The following TIMP2 variants were observed in gnomAD, a reference collection of about 807,000 sequenced individuals.
TIMP2 encodes metalloproteinase inhibitor 2.
A neutral mutation model predicts 24.3 loss-of-function variants in TIMP2; 5 were observed. The ratio of observed to expected loss-of-function variants is 0.21; its 90% confidence interval spans 0.11 to 0.43. TIMP2 has a LOEUF of 0.43. Among genes scored for constraint, TIMP2 ranks in the 20% least tolerant of loss-of-function variants. The pLI is 1.00. For missense variants in TIMP2, 221 were observed against 297.5 expected (o/e 0.74, Z 1.89); for synonymous variants, 130 against 123.2 (o/e 1.06, Z -0.37).
chr17:78,859,192 G>C (rs533831964), intron 3 of TIMP2, among the ~76,000 whole-genome samples: 1 of 152,316 alleles, frequency 6.6e-6, no homozygotes, highest in South Asian at 2.1e-4. Context: ...CATCAGGCAT[G>C]ATGAGCTGTG....
At chr17:78,890,272 A>T (rs2069868486) in intron 1 of TIMP2, among the ~76,000 whole-genome samples, 1 of 146,990 alleles carries the variant, frequency 6.8e-6, no homozygotes. Flanking sequence ...TGCAATCTCG[A>T]CTCACTGCAA....
At chr17:78,893,362 G>T (rs36142787) in intron 1 of TIMP2, among the ~76,000 whole-genome samples, 30,655 of 124,926 alleles carry the variant, frequency 0.25, 6,973 homozygotes, top group African/African-American at 0.62. Context: ...TGTGTGTGCA[G>T]GGGTGTGTAG....
At chr17:78,923,724 G>T (rs998045700) in intron 1 of TIMP2, among the ~76,000 whole-genome samples, 2 of 152,148 alleles carry the variant, frequency 1.3e-5, no homozygotes, top group African/African-American at 4.8e-5. Context: ...CAGGTGGCCT[G>T]AGCCACCTGA....
rs1164915181 is a variant in TIMP2 at position 78,855,555 on chromosome 17, A to G, written c.*112T>C. 1.3e-5 allele frequency: 16 copies of G among 1,227,504 alleles called. No homozygotes were observed. The East Asian group carries it at 4.0e-4, about 31-fold the overall frequency. 76.0% of individuals were successfully genotyped at this position (1,227,504 alleles called of 1,614,324 possible). On this transcript the variant is annotated 3_prime_UTR_variant, in exon 5 of 5. Coordinates refer to ENST00000262768, the MANE Select transcript of TIMP2 (RefSeq NM_003255.5). This position sits in a 1 kb window ranked among gnomAD's most constrained non-coding sequence, Gnocchi z 6.0. ...AGCAGAATCATATTAATTTGGACCCATGGGATGAGTGTTTTATTCATGCTG... is the reference window on the plus strand; with the variant it reads ...AGCAGAATCATATTAATTTGGACCCGTGGGATGAGTGTTTTATTCATGCTG...
intron 3 of TIMP2, among the ~76,000 whole-genome samples, chr17:78,859,827 A>G (rs928951145): frequency 6.6e-6 from 1 of 151,872 alleles, no homozygotes; most frequent in Non-Finnish European, 1.5e-5. Flanking sequence ...CCCCGTCTCT[A>G]CTACACATAC....
At position 78,883,918 on chromosome 17, in the gene TIMP2, T is replaced by G. The variant is rs28726211; in HGVS notation, c.131-9999A>C. Among the ~76,000 whole-genome samples the G allele has an allele frequency of 1.2e-3, 185 of 152,334 alleles. 1 individual carries two copies. The highest frequency in any genetic ancestry group is 4.2e-3 in the African/African-American group (173 of 41,586). On this transcript the variant is annotated intron_variant, in intron 1 of 4. Coordinates refer to ENST00000262768, the MANE Select transcript of TIMP2 (RefSeq NM_003255.5). ...TTCCCTGGTGGGCCAGCAGGTCTCA[T>G]GCCAGAGCCTCCGGCTCGGCCCTTC...
intron 3 of TIMP2, among the ~76,000 whole-genome samples, chr17:78,866,265 C>T: frequency 6.6e-6 from 1 of 152,202 alleles, no homozygotes; most frequent in Non-Finnish European, 1.5e-5. Context: ...TGCCACGCGC[C>T]ACCGTGCGTG....
intron 2 of TIMP2, among the ~76,000 whole-genome samples, chr17:78,873,427 A>ACC (rs2145755507): frequency 6.6e-6 from 1 of 151,960 alleles, no homozygotes. Context: ...CAGCCTCCCG[A>ACC]ATAGCTGGGA....
At chr17:78,873,216 C>T (rs2069699869) in intron 2 of TIMP2, among the ~76,000 whole-genome samples, 1 of 152,134 alleles carries the variant, frequency 6.6e-6, no homozygotes, top group Non-Finnish European at 1.5e-5. Context: ...GTCTCTCTTA[C>T]AGACCATGTT....
chr17:78,903,524 C>G (rs1463282662), intron 1 of TIMP2, among the ~76,000 whole-genome samples: 1 of 152,186 alleles, frequency 6.6e-6, no homozygotes, highest in Non-Finnish European at 1.5e-5. Flanking sequence ...AGGTACACTT[C>G]AAGGTCAGGG....
At chr17:78,861,916 A>T (rs921351157) in intron 3 of TIMP2, among the ~76,000 whole-genome samples, 1 of 152,178 alleles carries the variant, frequency 6.6e-6, no homozygotes, top group African/African-American at 2.4e-5. Flanking sequence ...CGTGGCTGTC[A>T]TGTATAAATG....
intron 2 of TIMP2, among the ~76,000 whole-genome samples, chr17:78,871,843 CAA>C (rs1163916256): frequency 2.4e-4 from 30 of 122,508 alleles, no homozygotes; most frequent in Admixed American, 5.1e-4. Context: ...GACTCCATCT[CAA>C]AAAAAAAAAA....
intron 1 of TIMP2, among the ~76,000 whole-genome samples, chr17:78,900,600 G>A (rs888899526): frequency 6.6e-6 from 1 of 152,016 alleles, no homozygotes; most frequent in African/African-American, 2.4e-5. Context: ...AGGTGGTGGT[G>A]GGCTCTTCCA....
In TIMP2 at chr17:78,891,680, C is replaced by G. The variant is rs547135189; in HGVS notation, c.131-17761G>C. The G allele has an allele frequency of 6.4e-7, 1 of 1,551,108 alleles. No individual in the cohort carries two copies. Among genetic ancestry groups the G allele is most frequent in the Non-Finnish European group, 8.7e-7 (1 of 1,147,118 alleles). Reference sequence around the variant, plus strand: ...CTTTCCCAGTTGCCTCCTCCCCGCCCGAGCTGTTCCTTTCTCTTTTTCCTC... The same window carrying G: ...CTTTCCCAGTTGCCTCCTCCCCGCCGGAGCTGTTCCTTTCTCTTTTTCCTC... On this transcript the variant is annotated intron_variant, in intron 1 of 4. Coordinates refer to ENST00000262768, the MANE Select transcript of TIMP2 (RefSeq NM_003255.5). This position sits in a 1 kb window ranked among gnomAD's most constrained non-coding sequence, Gnocchi z 4.5.
At position 78,893,212 on chromosome 17, in the gene TIMP2, T is replaced by TGTGTGTGCAGGGGTGTATAGAA. The variant is rs569677381; in HGVS notation, c.131-19294_131-19293insTTCTATACACCCCTGCACACAC. Among the ~76,000 whole-genome samples the TGTGTGTGCAGGGGTGTATAGAA allele has an allele frequency of 9.8e-3, 1,236 of 126,420 alleles. 25 individuals carry two copies. Among genetic ancestry groups the TGTGTGTGCAGGGGTGTATAGAA allele is most frequent in the African/African-American group, 0.037 (1,150 of 31,408 alleles). 82.9% of individuals were successfully genotyped at this position (126,420 alleles called of 152,430 possible). A position where few individuals can be genotyped will look rare whatever the true frequency, so the allele number is the denominator to read the frequency against. Reference sequence around the variant, plus strand: ...GGGTGTGTGCAAGGATGTGTGTGCATGTGTGTGCAGGGGTGTGTGTGCATG... The same window carrying TGTGTGTGCAGGGGTGTATAGAA: ...GGGTGTGTGCAAGGATGTGTGTGCATGTGTGTGCAGGGGTGTATAGAAGTGTGTGCAGGGGTGTGTGTGCATG... On this transcript the variant is annotated intron_variant, in intron 1 of 4. Transcript: ENST00000262768.
At chr17:78,865,001 C>T (rs2069598723) in intron 3 of TIMP2, among the ~76,000 whole-genome samples, 1 of 152,070 alleles carries the variant, frequency 6.6e-6, no homozygotes, top group Non-Finnish European at 1.5e-5. Flanking sequence ...TTGCAGTGAG[C>T]CAAGATCGCG....
At position 78,918,065 on chromosome 17, in the gene TIMP2, A is replaced by AAC. The variant is rs57256110; in HGVS notation, c.130+6892_130+6893dup. On this transcript the variant is annotated intron_variant, in intron 1 of 4. Coordinates refer to ENST00000262768, the MANE Select transcript of TIMP2 (RefSeq NM_003255.5). ...AAAAACACGTACGCGTGCACACACAAACACACACACACACACACACACACA... is the reference window on the plus strand; with the variant it reads ...AAAAACACGTACGCGTGCACACACAAACACACACACACACACACACACACACA... Among the ~76,000 whole-genome samples the AAC allele has an allele frequency of 9.8e-3, 1,417 of 144,890 alleles. 14 individuals are homozygous for AAC. Among genetic ancestry groups the AAC allele is most frequent in the East Asian group, 0.051 (252 of 4,898 alleles).
Position 78,888,143 on chromosome 17 carries a change from A to G in TIMP2, c.131-14224T>C, listed in dbSNP as rs541034501. Among the ~76,000 whole-genome samples the G allele has an allele frequency of 4.6e-5, 7 of 150,552 alleles. No individual in the cohort carries two copies. In the East Asian group the frequency reaches 1.4e-3, roughly 29 times the overall value. ...TAAACCCCAAGTTCAGCAGGTATAT[A>G]TCTTTTTGTTTCTTTTTTTTTTTTT... is the stretch of plus-strand genomic sequence containing the variant. On this transcript the variant is annotated intron_variant, in intron 1 of 4. Coordinates refer to ENST00000262768, the MANE Select transcript of TIMP2 (RefSeq NM_003255.5).
chr17:78,909,121 G>C (rs2070185550), intron 1 of TIMP2, among the ~76,000 whole-genome samples: 1 of 152,212 alleles, frequency 6.6e-6, no homozygotes, highest in African/African-American at 2.4e-5. Context: ...GCTGAGATGA[G>C]AGGATCACTT....
Sources: allele counts gnomAD v4.1 joint callset (sites outside exome capture counted in the v4.1 genomes callset), GRCh38; gene constraint gnomAD v4.1.1; non-coding constraint Gnocchi (gnomAD v3.1); transcripts MANE v1.5; gene names NCBI Gene and HGNC (gene_info 2026-07-23, HGNC 2026-07-21).